Variants in NLN observed in about 807,000 individuals in gnomAD.
The protein encoded by NLN is neurolysin, mitochondrial.
A neutral mutation model predicts 79.9 loss-of-function variants in NLN; 64 were observed. That is an observed-to-expected ratio of 0.80 (90% CI 0.65 to 0.99). The LOEUF (loss-of-function observed/expected upper bound fraction) is 0.99, where lower values mean the gene tolerates loss of function less well. Ranked by LOEUF, NLN falls within the 50% of genes least tolerant of loss-of-function variation. The pLI is 0.00. For synonymous variants in NLN, 267 were observed against 296.6 expected (o/e 0.90, Z 1.02); for missense variants, 835 against 858.7 (o/e 0.97, Z 0.34).
At chr5:65,816,952 T>A (rs1393743264) in intron 12 of NLN, among the ~76,000 whole-genome samples, 2 of 152,190 alleles carry the variant, frequency 1.3e-5, no homozygotes. Flanking sequence ...CCACATGTTG[T>A]TGATGTTATT....
In NLN at chr5:65,826,400, T is replaced by C. The variant is rs1052522104; in HGVS notation, c.*3485T>C. On this transcript the variant is annotated 3_prime_UTR_variant, in exon 13 of 13. Coordinates refer to ENST00000380985, the MANE Select transcript of NLN (RefSeq NM_020726.5). Reference sequence around the variant, plus strand: ...GGATGGGGCACAAACATTCAGTCCATAACGAATACTGATTCCTCAAATAGG... The same window carrying C: ...GGATGGGGCACAAACATTCAGTCCACAACGAATACTGATTCCTCAAATAGG... 6.6e-6 allele frequency: 1 copy of C among 152,136 alleles called. No homozygotes were observed. Among genetic ancestry groups the C allele is most frequent in the African/African-American group, 2.4e-5 (1 of 41,430 alleles). The allele number at this position is 152,136 out of a possible 1,614,324, so 9.4% of individuals were successfully genotyped here. A position where few individuals can be genotyped will look rare whatever the true frequency, so the allele number is the denominator to read the frequency against.
intron 12 of NLN, among the ~76,000 whole-genome samples, chr5:65,812,646 CA>C: frequency 6.6e-6 from 1 of 152,172 alleles, no homozygotes; most frequent in African/African-American, 2.4e-5. Flanking sequence ...ATTAAAAATT[CA>C]AAGCTTTGTT....
intron 1 of NLN, among the ~76,000 whole-genome samples, chr5:65,744,845 A>G (rs1411506237): frequency 2.6e-5 from 4 of 152,168 alleles, no homozygotes; most frequent in African/African-American, 9.7e-5. Context: ...ATTGCACTCC[A>G]GTCTGGGTGA....
At chr5:65,767,430 GATGCAGGGCACT>G (rs1448689743) in intron 3 of NLN, among the ~76,000 whole-genome samples, 1 of 152,232 alleles carries the variant, frequency 6.6e-6, no homozygotes, top group Non-Finnish European at 1.5e-5. Context: ...GAGCAACTGG[GATGCAGGGCACT>G]ATGTCCTGAG....
chr5:65,788,188 G>T lies in NLN; in HGVS notation c.1029G>T (p.Lys343Asn). Residue 343 changes from lysine to asparagine, a missense_variant, in exon 8 of 13, where the codon AAG becomes AAT. Coordinates refer to ENST00000380985, the MANE Select transcript of NLN (RefSeq NM_020726.5). ...AGTTTATTTTGAATTTGAAGAAAAA[G>T]GAATGCAAAGACAGGGGTTTTGAAT... ...EREFILNLKK[K>N]ECKDRGFEYD... 6.2e-7 allele frequency: 1 copy of T among 1,614,060 alleles called. No individual in the cohort carries two copies. Among genetic ancestry groups the T allele is most frequent in the East Asian group, 2.2e-5 (1 of 44,878 alleles).
rs1478655281 is a variant in NLN at position 65,732,284 on chromosome 5, C to T, written c.41+9870C>T. ...AAAGACTCTGCCCAGAGGGATGGCC[C>T]GGGCCAGATGCTACAGAGAGAGACA... On this transcript the variant is annotated intron_variant, in intron 1 of 12. Coordinates refer to ENST00000380985, the MANE Select transcript of NLN (RefSeq NM_020726.5). Among the ~76,000 whole-genome samples the T allele has an allele frequency of 6.3e-5, 9 of 142,438 alleles. 3 individuals are homozygous for T. The highest frequency in any genetic ancestry group is 3.4e-4 in the Admixed American group (5 of 14,672). 93.4% of individuals were successfully genotyped at this position (142,438 alleles called of 152,430 possible).
intron 1 of NLN, among the ~76,000 whole-genome samples, chr5:65,746,334 A>G (rs1339551123): frequency 6.6e-6 from 1 of 152,210 alleles, no homozygotes; most frequent in Non-Finnish European, 1.5e-5. Flanking sequence ...AAAAGTTCCC[A>G]AAAAAGAGGG....
intron 9 of NLN, among the ~76,000 whole-genome samples, chr5:65,798,744 TA>T (rs1579959497): frequency 6.6e-6 from 1 of 152,266 alleles, no homozygotes; most frequent in East Asian, 1.9e-4. Flanking sequence ...AATGAAGTCA[TA>T]AACCAAAATA....
intron 1 of NLN, among the ~76,000 whole-genome samples, chr5:65,745,047 G>C (rs144788736): frequency 6.6e-6 from 1 of 152,162 alleles, no homozygotes; most frequent in African/African-American, 2.4e-5. Flanking sequence ...AAAAAAATGA[G>C]ACCTGGGTGC....
intron 1 of NLN, among the ~76,000 whole-genome samples, chr5:65,758,199 G>T (rs1484240209): frequency 2.0e-5 from 3 of 152,098 alleles, no homozygotes; most frequent in Non-Finnish European, 4.4e-5. Flanking sequence ...TCACATCACT[G>T]CACTCCAGCG....
chr5:65,811,981 T>C (rs961013666), intron 11 of NLN, among the ~76,000 whole-genome samples: 1 of 152,206 alleles, frequency 6.6e-6, no homozygotes, highest in Non-Finnish European at 1.5e-5. Flanking sequence ...TCTAAAACAC[T>C]GAGCTATCTG....
At chr5:65,771,452 A>G (rs1449105949) in intron 3 of NLN, among the ~76,000 whole-genome samples, 1 of 152,250 alleles carries the variant, frequency 6.6e-6, no homozygotes, top group Admixed American at 6.5e-5. Flanking sequence ...GAATAAATGC[A>G]CAAGAGGAAT....
chr5:65,794,053 G>A (rs1205362254), intron 9 of NLN, among the ~76,000 whole-genome samples: 6 of 152,180 alleles, frequency 3.9e-5, no homozygotes, highest in Admixed American at 6.5e-5. Context: ...GATAATGCTT[G>A]GATATGACTA....
intron 1 of NLN, among the ~76,000 whole-genome samples, chr5:65,728,940 C>T (rs537529464): frequency 3.3e-5 from 5 of 152,236 alleles, no homozygotes; most frequent in African/African-American, 1.2e-4. Flanking sequence ...ACCTCCCGGG[C>T]TCAAACGATC....
chr5:65,728,655 G>A (rs1018066260), intron 1 of NLN, among the ~76,000 whole-genome samples: 2 of 152,010 alleles, frequency 1.3e-5, no homozygotes, highest in African/African-American at 4.8e-5. Context: ...TTTGATAAGT[G>A]GAAATTTCTC....
chr5:65,809,722 A>G, intron 10 of NLN, 21 bp downstream of exon 10: 1 of 1,528,154 alleles, frequency 6.5e-7, no homozygotes, highest in Non-Finnish European at 8.8e-7. Flanking sequence ...TAATTTTAAA[A>G]AGGAAAATAA....
intron 12 of NLN, among the ~76,000 whole-genome samples, chr5:65,821,678 T>C (rs892112507): frequency 2.0e-5 from 3 of 152,194 alleles, no homozygotes; most frequent in Non-Finnish European, 4.4e-5. Context: ...AGTTATTTAC[T>C]CCTGATTAGA....
At chr5:65,740,898 G>A (rs2150737779) in intron 1 of NLN, 2 of 154,798 alleles carry the variant, frequency 1.3e-5, no homozygotes, top group African/African-American at 2.6e-5. Flanking sequence ...TCTTGAGATG[G>A]AGTCTCGCTC....
Position 65,823,506 on chromosome 5 carries a change from C to G in NLN, c.*591C>G, listed in dbSNP as rs1342374039. On this transcript the variant is annotated 3_prime_UTR_variant, in exon 13 of 13. Transcript: ENST00000380985. ...CCAACTTTCTGCCACACTTAAATTA[C>G]GTTCCTCCATTTCAGTTTTGTCTTT... is the stretch of plus-strand genomic sequence containing the variant. The G allele has an allele frequency of 6.6e-6, 1 of 152,198 alleles. No homozygotes were observed. The highest frequency in any genetic ancestry group is 2.4e-5 in the African/African-American group (1 of 41,412). The allele number at this position is 152,198 out of a possible 1,614,324, so 9.4% of individuals were successfully genotyped here.
Sources: allele counts gnomAD v4.1 joint callset (sites outside exome capture counted in the v4.1 genomes callset), GRCh38; gene constraint gnomAD v4.1.1; transcripts MANE v1.5; gene names NCBI Gene and HGNC (gene_info 2026-07-23, HGNC 2026-07-21).